Variants in CA4 observed in about 807,000 individuals in gnomAD.
The protein encoded by CA4 is carbonic anhydrase 4, also known as CA-IV.
CA4 carries 24 observed loss-of-function variants against 34.5 expected under a neutral mutation model. That is an observed-to-expected ratio of 0.70 (90% CI 0.50 to 0.98). The LOEUF is 0.98. Among genes scored for constraint, CA4 ranks in the 50% least tolerant of loss-of-function variants. The probability of loss-of-function intolerance (pLI) is 0.00; values close to 1 mark genes in which losing one functional copy is unlikely to be tolerated. For missense variants in CA4, 394 were observed against 396.7 expected (o/e 0.99, Z 0.06); for synonymous variants, 178 against 170.6 (o/e 1.04, Z -0.34).
chr17:60,155,611 C>T (rs2083668000), intron 2 of CA4, among the ~76,000 whole-genome samples: 2 of 151,294 alleles, frequency 1.3e-5, no homozygotes, highest in African/African-American at 4.9e-5. Flanking sequence ...CACACACAAG[C>T]ACACACTCAA....
chr17:60,159,204 C>A, intron 7 of CA4, 26 bp from the exon 8 acceptor site: 4 of 1,576,102 alleles, frequency 2.5e-6, no homozygotes, highest in Non-Finnish European at 3.4e-6. Flanking sequence ...CCTGCCCCGA[C>A]CTGCTGAGCC....
At chr17:60,155,443 G>A (rs1190692650) in intron 2 of CA4, 76 bp downstream of exon 2, 1 of 1,205,430 alleles carries the variant, frequency 8.3e-7, no homozygotes, top group Non-Finnish European at 1.2e-6. Context: ...GACCCCGGAA[G>A]AGTGGGAAGG....
chr17:60,171,610 C>T (rs1264395217), downstream of CA4, among the ~76,000 whole-genome samples: 1 of 152,232 alleles, frequency 6.6e-6, no homozygotes, highest in Non-Finnish European at 1.5e-5. Context: ...TACTGGAGCA[C>T]TGTGTGCTTG....
intron 2 of CA4, among the ~76,000 whole-genome samples, chr17:60,155,915 G>A (rs1027196605): frequency 2.0e-5 from 3 of 152,142 alleles, no homozygotes; most frequent in Non-Finnish European, 2.9e-5. Flanking sequence ...GGTCCTTTAC[G>A]CTTTTATTTG....
chr17:60,152,236 G>A (rs1473961014), intron 1 of CA4, among the ~76,000 whole-genome samples: 1 of 151,814 alleles, frequency 6.6e-6, no homozygotes, highest in African/African-American at 2.4e-5. Flanking sequence ...TGAGTCAGTG[G>A]GCTGGTACTT....
At chr17:60,165,452 A>G (rs1423144896) in intron 5 of CA4, among the ~76,000 whole-genome samples, 2 of 152,176 alleles carry the variant, frequency 1.3e-5, no homozygotes, top group African/African-American at 4.8e-5. Flanking sequence ...CTTAGGGGGT[A>G]GCAGGTGCAG....
chr17:60,154,836 GC>G (rs1567728477), intron 1 of CA4, among the ~76,000 whole-genome samples: 1 of 152,178 alleles, frequency 6.6e-6, no homozygotes, highest in African/African-American at 2.4e-5. Context: ...GGGAGGGGCC[GC>G]CTAATCTCCT....
At chr17:60,158,472 G>A (rs1285819471) in intron 7 of CA4, 26 bp downstream of exon 7, 1 of 1,610,666 alleles carries the variant, frequency 6.2e-7, no homozygotes, top group Non-Finnish European at 8.5e-7. Context: ...GGCAGGGCAT[G>A]GGCTCCCACT....
At chr17:60,155,446 T>G (rs1317613386) in intron 2 of CA4, 79 bp downstream of exon 2, 1 of 1,179,828 alleles carries the variant, frequency 8.5e-7, no homozygotes, top group Non-Finnish European at 1.2e-6. Flanking sequence ...CCCGGAAGAG[T>G]GGGAAGGGGA....
downstream of CA4, among the ~76,000 whole-genome samples, chr17:60,174,213 T>C (rs111573330): frequency 0.021 from 3,235 of 152,230 alleles, 151 homozygotes; most frequent in African/African-American, 0.074. Context: ...AACTAGAATG[T>C]GACCTCCGAC....
At chr17:60,158,224 A>T (rs544927406) in intron 6 of CA4, 59 bp from the exon 7 acceptor site, 3 of 1,605,632 alleles carry the variant, frequency 1.9e-6, no homozygotes, top group African/African-American at 2.7e-5. Context: ...CTCAGAGTGC[A>T]GGGGAAGAGG....
chr17:60,172,961 T>C (rs952212688), downstream of CA4, among the ~76,000 whole-genome samples: 1 of 151,954 alleles, frequency 6.6e-6, no homozygotes, highest in Non-Finnish European at 1.5e-5. Flanking sequence ...CTGACCAACA[T>C]GGAGAAACCC....
In CA4 at chr17:60,156,702, T is replaced by C; in HGVS notation, c.255T>C (p.Asn85=). 1 of 1,614,048 alleles carries C rather than the reference T, an allele frequency of 6.2e-7. No homozygotes were observed. Among genetic ancestry groups the C allele is most frequent in the Non-Finnish European group, 8.5e-7 (1 of 1,179,958 alleles). ...AGAAGCAAACGTGGACTGTCCAAAA[T>C]AACGGGCACTCAGGTGGGCTGGATG... is the stretch of plus-strand genomic sequence containing the variant. ...YDKKQTWTVQ[N]NGHSVMMLLE... Residue 85 remains asparagine, a synonymous_variant, in exon 3 of 8, where the codon AAT becomes AAC. Transcript: ENST00000300900.
At chr17:60,176,791 G>A in the CA4 span, among the ~76,000 whole-genome samples, 14 of 152,142 alleles carry the variant, frequency 9.2e-5, no homozygotes, top group Non-Finnish European at 4.4e-5. Context: ...CGGACTGGGG[G>A]ATGGGGGGAG....
chr17:60,165,493 G>A (rs1464230454), intron 5 of CA4, among the ~76,000 whole-genome samples: 2 of 152,312 alleles, frequency 1.3e-5, no homozygotes, highest in East Asian at 3.9e-4. Context: ...CCACATCCCT[G>A]AAAGAAGGGG....
downstream of CA4, among the ~76,000 whole-genome samples, chr17:60,160,764 A>G (rs192258014): frequency 0.023 from 3,418 of 149,682 alleles, 136 homozygotes; most frequent in African/African-American, 0.078. Flanking sequence ...AAAAAAAAAA[A>G]AGAGAGAATT....
At chr17:60,151,547 C>T (rs924346810) in intron 1 of CA4, 2 of 152,172 alleles carry the variant, frequency 1.3e-5, no homozygotes, top group Non-Finnish European at 2.9e-5. Flanking sequence ...ACTTCCTGTC[C>T]CATTTGCAAA....
At chr17:60,152,988 A>G (rs923336395) in intron 1 of CA4, among the ~76,000 whole-genome samples, 1 of 152,208 alleles carries the variant, frequency 6.6e-6, no homozygotes, top group African/African-American at 2.4e-5. Context: ...CAGACTTGGG[A>G]AGGTCCAGAT....
At chr17:60,175,222 G>T (rs1241087410), downstream of CA4, among the ~76,000 whole-genome samples, 1 of 117,908 alleles carries the variant, frequency 8.5e-6, no homozygotes, top group Non-Finnish European at 1.7e-5. Flanking sequence ...TAGAAATGAG[G>T]TCTCACCATA....
Sources: allele counts gnomAD v4.1 joint callset (sites outside exome capture counted in the v4.1 genomes callset), GRCh38; gene constraint gnomAD v4.1.1; transcripts MANE v1.5; gene names NCBI Gene and HGNC (gene_info 2026-07-23, HGNC 2026-07-21).